The following ROBO2 variants were observed in gnomAD, a reference collection of about 807,000 sequenced individuals.
The protein encoded by ROBO2 is roundabout homolog 2.
Under a neutral mutation model 160.8 loss-of-function variants are expected in ROBO2, and 53 were observed. The observed-to-expected ratio is 0.33, with a 90% CI of 0.26 to 0.41. The LOEUF is 0.41. ROBO2 is among the 10% of genes least tolerant of loss of function. The pLI, the probability that ROBO2 is intolerant of heterozygous loss-of-function variation, is 1.00. For synonymous variants in ROBO2, 664 were observed against 611.7 expected, an observed-to-expected ratio of 1.09 and a Z score of -1.26; for missense variants, 1,577 against 1,722.4, an observed-to-expected ratio of 0.92 and a Z score of 1.49.
intron 6 of ROBO2, among the ~76,000 whole-genome samples, chr3:77,526,106 C>T (rs931598339): frequency 2.0e-5 from 3 of 151,382 alleles, no homozygotes; most frequent in South Asian, 2.1e-4. Context: ...CTATAGCAAA[C>T]ACACCCTATA....
chr3:76,728,331 G>GTT (rs1370992241), intron 2 of ROBO2, among the ~76,000 whole-genome samples: 1 of 152,058 alleles, frequency 6.6e-6, no homozygotes, highest in Non-Finnish European at 1.5e-5. Context: ...ATAAGCAAGA[G>GTT]TTTGTTTTAT....
chr3:77,307,935 G>A (rs1184209772), intron 2 of ROBO2, among the ~76,000 whole-genome samples: 1 of 151,864 alleles, frequency 6.6e-6, no homozygotes, highest in Non-Finnish European at 1.5e-5. Context: ...TCCAGCCTGA[G>A]CAACAGAATG....
chr3:76,068,203 G>T (rs2068324685), intron 2 of ROBO2, among the ~76,000 whole-genome samples: 1 of 152,140 alleles, frequency 6.6e-6, no homozygotes, highest in South Asian at 2.1e-4. Flanking sequence ...CAGGTGTCTG[G>T]TGTGTTTGAG....
chr3:77,487,203 A>G (rs1034607465), intron 4 of ROBO2, among the ~76,000 whole-genome samples: 3 of 152,146 alleles, frequency 2.0e-5, no homozygotes, highest in African/African-American at 4.8e-5. Context: ...GTATAAGAAC[A>G]TGAGGTGTTA....
At chr3:76,157,712 T>C (rs369237618) in intron 2 of ROBO2, among the ~76,000 whole-genome samples, 50 of 152,006 alleles carry the variant, frequency 3.3e-4, no homozygotes, top group Middle Eastern at 3.4e-3. Flanking sequence ...CACAGTGTTA[T>C]AAAAAAAAGC....
intron 2 of ROBO2, among the ~76,000 whole-genome samples, chr3:77,381,097 C>G (rs1047213093): frequency 2.0e-5 from 3 of 152,132 alleles, no homozygotes; most frequent in Non-Finnish European, 2.9e-5. Flanking sequence ...GGGGGGATCA[C>G]GAGGTCAGGA....
At chr3:77,174,854 A>G (rs947677410) in intron 2 of ROBO2, among the ~76,000 whole-genome samples, 1 of 152,056 alleles carries the variant, frequency 6.6e-6, no homozygotes, top group South Asian at 2.1e-4. Flanking sequence ...TCATGGAGAA[A>G]AGGAATTATG....
At position 77,465,459 on chromosome 3, in the gene ROBO2, G is replaced by C. The variant is rs112290753; in HGVS notation, c.389-11955G>C. Among the ~76,000 whole-genome samples the C allele has an allele frequency of 1.9e-3, 289 of 152,222 alleles. 2 individuals are homozygous for C. Among genetic ancestry groups the C allele is most frequent in the African/African-American group, 6.7e-3 (278 of 41,538 alleles). On this transcript the variant is annotated intron_variant, in intron 2 of 25. Coordinates refer to ENST00000461745, the Ensembl canonical transcript of ROBO2. ...AAAGTGTAGTAAGTCCTCAGGCTAGGAGAAACAGGGTAGCCCAGGGAATAG... is the reference window on the plus strand; with the variant it reads ...AAAGTGTAGTAAGTCCTCAGGCTAGCAGAAACAGGGTAGCCCAGGGAATAG...
At chr3:76,396,352 C>T (rs909137752) in intron 2 of ROBO2, among the ~76,000 whole-genome samples, 2 of 151,958 alleles carry the variant, frequency 1.3e-5, no homozygotes, top group African/African-American at 2.4e-5. Context: ...TATGACAAAC[C>T]CAGAGCCAAT....
In ROBO2 at chr3:77,590,177, A is replaced by G. The variant is rs1191338988; in HGVS notation, c.2683+1244A>G. Among the ~76,000 whole-genome samples the G allele has an allele frequency of 2.0e-5, 3 of 152,136 alleles. No individual in the cohort carries two copies. In the East Asian group the frequency reaches 5.8e-4, roughly 29 times the overall value. ...CTTATGAAGTTAAAATTTATTAGTT[A>G]CTTGTTAGAAGACATTTCCAGGACT... On this transcript the variant is annotated intron_variant, in intron 17 of 25. Coordinates refer to ENST00000461745, the Ensembl canonical transcript of ROBO2.
intron 2 of ROBO2, among the ~76,000 whole-genome samples, chr3:76,145,154 T>C (rs1468064568): frequency 6.6e-6 from 1 of 152,018 alleles, no homozygotes; most frequent in African/African-American, 2.4e-5. Flanking sequence ...GGAGAGTTGA[T>C]GAAAACTGGT....
intron 2 of ROBO2, among the ~76,000 whole-genome samples, chr3:77,222,818 C>A (rs1291822618): frequency 5.3e-5 from 8 of 152,140 alleles, no homozygotes; most frequent in Non-Finnish European, 1.0e-4. Flanking sequence ...TGGTCTACTC[C>A]TAATTTCATT....
intron 1 of ROBO2, among the ~76,000 whole-genome samples, chr3:77,047,658 G>A (rs896711363): frequency 6.6e-6 from 1 of 150,596 alleles, no homozygotes; most frequent in Non-Finnish European, 1.5e-5. Flanking sequence ...TTATACTCCA[G>A]CCTAGGCAAC....
intron 2 of ROBO2, among the ~76,000 whole-genome samples, chr3:77,033,598 C>A (rs2149568350): frequency 6.6e-6 from 1 of 152,200 alleles, no homozygotes; most frequent in Non-Finnish European, 1.5e-5. Flanking sequence ...AATAAGGAAA[C>A]AAAATAGCCT....
intron 2 of ROBO2, among the ~76,000 whole-genome samples, chr3:77,412,667 G>A (rs2076897204): frequency 6.6e-6 from 1 of 152,144 alleles, no homozygotes; most frequent in Non-Finnish European, 1.5e-5. Flanking sequence ...TCAAAGATCT[G>A]AAAGTCTTTG....
At chr3:76,683,839 G>A (rs1032972702) in intron 2 of ROBO2, among the ~76,000 whole-genome samples, 1 of 151,912 alleles carries the variant, frequency 6.6e-6, no homozygotes, top group African/African-American at 2.4e-5. Context: ...ATGCTGAATC[G>A]AGTTTTATTC....
intron 2 of ROBO2, among the ~76,000 whole-genome samples, chr3:77,393,373 A>G (rs1239920365): frequency 6.6e-6 from 1 of 152,044 alleles, no homozygotes; most frequent in Admixed American, 6.6e-5. Context: ...GGTGAACAGC[A>G]TTAACTAAAA....
chr3:75,994,386 T>A (rs920985439), intron 2 of ROBO2, among the ~76,000 whole-genome samples: 8 of 152,196 alleles, frequency 5.3e-5, no homozygotes, highest in African/African-American at 1.4e-4. Flanking sequence ...CAGAATCCCA[T>A]GTCATGGGAG....
chr3:77,205,734 G>A (rs1373340434), intron 2 of ROBO2, among the ~76,000 whole-genome samples: 3 of 152,026 alleles, frequency 2.0e-5, no homozygotes, highest in African/African-American at 7.2e-5. Context: ...CTTTTTTAAT[G>A]TATGGGCAAA....
Sources: allele counts gnomAD v4.1 joint callset (sites outside exome capture counted in the v4.1 genomes callset), GRCh38; gene constraint gnomAD v4.1.1; transcripts MANE v1.5; gene names NCBI Gene and HGNC (gene_info 2026-07-23, HGNC 2026-07-21).